PACC1: variants seen among roughly 807,000 people sequenced by gnomAD.
PACC1 encodes the protein proton-activated chloride channel.
PACC1 carries 34 observed loss-of-function variants against 39.7 expected under a neutral mutation model. The observed-to-expected ratio is 0.86, with a 90% CI of 0.65 to 1.14. PACC1 has a LOEUF of 1.14. Among genes scored for constraint, PACC1 ranks in the 50% most tolerant of loss-of-function variants. PACC1 has a pLI of 0.00. For synonymous variants in PACC1, 127 were observed against 160.6 expected (o/e 0.79, Z 1.58); for missense variants, 379 against 436.4 (o/e 0.87, Z 1.17).
At chr1:212,402,324 T>G (rs1661746778) in intron 2 of PACC1, among the ~76,000 whole-genome samples, 5 of 152,174 alleles carry the variant, frequency 3.3e-5, no homozygotes, top group Admixed American at 3.3e-4. Context: ...TTGCCAAAAC[T>G]TATTATCCAC....
chr1:212,414,609 C>T, intron 1 of PACC1, 113 bp downstream of exon 1: 4 of 1,357,778 alleles, frequency 2.9e-6, no homozygotes, highest in Non-Finnish European at 4.1e-6. Context: ...GTCGGTCCCT[C>T]GGAAGAGCCC....
intron 4 of PACC1, among the ~76,000 whole-genome samples, chr1:212,384,386 T>C (rs1311840012): frequency 6.6e-6 from 1 of 152,146 alleles, no homozygotes; most frequent in African/African-American, 2.4e-5. Context: ...TACAGCACGA[T>C]GCATGTTCTT....
chr1:212,390,940 C>A (rs894283444), intron 2 of PACC1, among the ~76,000 whole-genome samples: 1 of 152,322 alleles, frequency 6.6e-6, no homozygotes, highest in East Asian at 1.9e-4. Context: ...ACAAAGCGGC[C>A]GGGAAGCTCG....
intron 2 of PACC1, among the ~76,000 whole-genome samples, chr1:212,389,616 C>T (rs1661233813): frequency 6.6e-6 from 1 of 152,012 alleles, no homozygotes; most frequent in South Asian, 2.1e-4. Context: ...CCCAGTGTTG[C>T]AATTTAGCAG....
intron 2 of PACC1, among the ~76,000 whole-genome samples, chr1:212,401,607 CAG>C (rs1661714818): frequency 9.0e-6 from 1 of 110,798 alleles, no homozygotes. Context: ...GCCTGGGCAA[CAG>C]AGACTCTTGT....
chr1:212,391,107 A>G (rs1329852342), intron 2 of PACC1, among the ~76,000 whole-genome samples: 2 of 152,222 alleles, frequency 1.3e-5, no homozygotes, highest in Non-Finnish European at 2.9e-5. Flanking sequence ...TTCTCCTAGC[A>G]CAGGGTTTGA....
At chr1:212,403,695 G>A (rs1011552361) in intron 2 of PACC1, among the ~76,000 whole-genome samples, 3 of 152,116 alleles carry the variant, frequency 2.0e-5, no homozygotes, top group African/African-American at 7.2e-5. Flanking sequence ...CTCCCAAGTA[G>A]CTGGGATTAC....
intron 7 of PACC1, among the ~76,000 whole-genome samples, chr1:212,371,920 C>T (rs1236192263): frequency 6.6e-6 from 1 of 152,092 alleles, no homozygotes; most frequent in Admixed American, 6.6e-5. Flanking sequence ...GAATCAAGAA[C>T]AAAAATCATG....
chr1:212,408,073 C>CAAAA (rs77122055), intron 2 of PACC1, among the ~76,000 whole-genome samples: 50 of 67,734 alleles, frequency 7.4e-4, no homozygotes, highest in Admixed American at 2.5e-3. Context: ...GACTCCATCT[C>CAAAA]AAAAAAAAAA....
At chr1:212,411,907 G>A (rs1260852342) in intron 1 of PACC1, among the ~76,000 whole-genome samples, 1 of 152,154 alleles carries the variant, frequency 6.6e-6, no homozygotes, top group Non-Finnish European at 1.5e-5. Flanking sequence ...TTGGGAGGCC[G>A]AGGTGGGCGG....
chr1:212,393,965 A>C (rs1169141930), intron 2 of PACC1, among the ~76,000 whole-genome samples: 3 of 152,012 alleles, frequency 2.0e-5, no homozygotes. Context: ...AACCAAAAAA[A>C]GTCCAGGACC....
At chr1:212,365,429 C>CTTTTT (rs879161931) in intron 7 of PACC1, 53 bp from the exon 8 acceptor site, 6 of 978,068 alleles carry the variant, frequency 6.1e-6, no homozygotes, top group Non-Finnish European at 5.5e-6. Flanking sequence ...AGTCTTGATT[C>CTTTTT]TTTTTTTTTT....
At chr1:212,373,505 A>G (rs1411697421) in intron 7 of PACC1, among the ~76,000 whole-genome samples, 1 of 152,242 alleles carries the variant, frequency 6.6e-6, no homozygotes, top group African/African-American at 2.4e-5. Flanking sequence ...ATGGGATTAC[A>G]TTAAGCTAAA....
intron 4 of PACC1, among the ~76,000 whole-genome samples, chr1:212,382,359 C>CA (rs1025837428): frequency 2.0e-5 from 3 of 151,164 alleles, no homozygotes; most frequent in African/African-American, 4.9e-5. Context: ...TTTATGGTTG[C>CA]AAAAAAAATC....
chr1:212,390,777 G>A (rs1661288542), intron 2 of PACC1, among the ~76,000 whole-genome samples: 1 of 152,176 alleles, frequency 6.6e-6, no homozygotes, highest in African/African-American at 2.4e-5. Context: ...TTAGCAAATG[G>A]CACACCAGGA....
intron 2 of PACC1, among the ~76,000 whole-genome samples, chr1:212,388,565 T>C (rs1558173897): frequency 6.6e-6 from 1 of 152,058 alleles, no homozygotes; most frequent in Non-Finnish European, 1.5e-5. Context: ...AGGACCAGAA[T>C]CCTTATAAGA....
At chr1:212,387,146 TAC>T in intron 2 of PACC1, 46 bp from the exon 3 acceptor site, 1 of 1,599,480 alleles carries the variant, frequency 6.3e-7, no homozygotes, top group Non-Finnish European at 8.5e-7. Context: ...AGGGACAAGG[TAC>T]AGACAGAGAT....
At chr1:212,410,219 A>G (rs1662072500) in intron 2 of PACC1, 4 of 578,472 alleles carry the variant, frequency 6.9e-6, no homozygotes, top group Admixed American at 5.8e-5. Context: ...AAGTGGCTCA[A>G]ATTGGAGTTA....
chr1:212,371,982 T>C (rs1012446086), intron 7 of PACC1, among the ~76,000 whole-genome samples: 2 of 152,096 alleles, frequency 1.3e-5, no homozygotes, highest in African/African-American at 4.8e-5. Flanking sequence ...CAACATACTA[T>C]CATGATAAAA....
Sources: allele counts gnomAD v4.1 joint callset (sites outside exome capture counted in the v4.1 genomes callset), GRCh38; gene constraint gnomAD v4.1.1; transcripts MANE v1.5; gene names NCBI Gene and HGNC (gene_info 2026-07-23, HGNC 2026-07-21).